Variants in LRBA observed in about 807,000 individuals in gnomAD.
LRBA encodes the protein lipopolysaccharide-responsive and beige-like anchor protein.
LRBA carries 176 observed loss-of-function variants against 330.0 expected under a neutral mutation model. The ratio of observed to expected loss-of-function variants is 0.53; its 90% CI spans 0.47 to 0.60. LRBA has a LOEUF of 0.60. LRBA is among the 20% of genes least tolerant of loss of function. LRBA has a pLI of 0.00. For missense variants in LRBA, 3,259 were observed against 3,444.8 expected, an observed-to-expected ratio of 0.95 and a Z score of 1.35; for synonymous variants, 1,230 against 1,193.0, an observed-to-expected ratio of 1.03 and a Z score of -0.64.
At chr4:150,916,230 T>C (rs1472309324) in intron 7 of LRBA, among the ~76,000 whole-genome samples, 171 bp downstream of exon 7, 1 of 152,200 alleles carries the variant, frequency 6.6e-6, no homozygotes, top group Non-Finnish European at 1.5e-5. Context: ...TGCAATCTTT[T>C]TCATATCCAA....
At chr4:150,926,684 C>T (rs778598907) in intron 4 of LRBA, among the ~76,000 whole-genome samples, 1 of 151,930 alleles carries the variant, frequency 6.6e-6, no homozygotes, top group Non-Finnish European at 1.5e-5. Flanking sequence ...AAACCAAGAG[C>T]ATTAAAGCAA....
intron 22 of LRBA, among the ~76,000 whole-genome samples, chr4:150,866,718 T>C (rs1579041126): frequency 6.6e-6 from 1 of 152,180 alleles, no homozygotes. Flanking sequence ...TGCTAATTAA[T>C]TGGTAAATAA....
At chr4:150,711,060 A>T (rs1342102723) in intron 36 of LRBA, among the ~76,000 whole-genome samples, 1 of 151,972 alleles carries the variant, frequency 6.6e-6, no homozygotes, top group African/African-American at 2.4e-5. Flanking sequence ...ATCAAAAAAA[A>T]TTTGAAAGTT....
intron 44 of LRBA, among the ~76,000 whole-genome samples, chr4:150,441,600 A>G (rs1270880621): frequency 6.6e-6 from 1 of 152,052 alleles, no homozygotes; most frequent in East Asian, 1.9e-4. Flanking sequence ...AATTAAGAAT[A>G]CCACCTCCAG....
intron 40 of LRBA, among the ~76,000 whole-genome samples, chr4:150,531,412 T>G (rs1764042056): frequency 6.6e-6 from 1 of 152,158 alleles, no homozygotes; most frequent in Non-Finnish European, 1.5e-5. Context: ...ACAGTCCTCA[T>G]GGCTTCTTCC....
chr4:150,413,470 A>T (rs887959635), intron 47 of LRBA, among the ~76,000 whole-genome samples: 8 of 152,186 alleles, frequency 5.3e-5, no homozygotes, highest in Non-Finnish European at 1.0e-4. Context: ...TTAACTACTG[A>T]TATATGCACA....
At chr4:150,562,400 C>T (rs1160467934) in intron 40 of LRBA, among the ~76,000 whole-genome samples, 2 of 152,238 alleles carry the variant, frequency 1.3e-5, no homozygotes, top group South Asian at 2.1e-4. Context: ...ATAATGATAG[C>T]GTAGTTACAA....
rs144369093 is a variant in LRBA at position 150,570,055 on chromosome 4, T to C, written c.6330+17993A>G. Among the ~76,000 whole-genome samples the C allele has an allele frequency of 3.9e-4, 59 of 152,218 alleles. 1 individual carries two copies. In the East Asian group the frequency reaches 7.7e-3, roughly 20 times the overall value. ...ATAAGCTACATAAAGAAATTTCCCA[T>C]GAAGCCTGAAGACAAAGTAATGTAA... On this transcript the variant is annotated intron_variant, in intron 40 of 56. Transcript: ENST00000651943.
chr4:150,479,635 C>T (rs1757076106), intron 42 of LRBA, among the ~76,000 whole-genome samples: 3 of 152,268 alleles, frequency 2.0e-5, no homozygotes, highest in South Asian at 4.1e-4. Context: ...ATTCCCCTCC[C>T]CTGGACTTTG....
chr4:150,744,309 G>C (rs888967656), intron 35 of LRBA, among the ~76,000 whole-genome samples: 1 of 152,118 alleles, frequency 6.6e-6, no homozygotes, highest in Non-Finnish European at 1.5e-5. Flanking sequence ...TAATTGAATT[G>C]ATTAGTCAAT....
chr4:150,846,871 T>G (rs1435271065), intron 26 of LRBA, among the ~76,000 whole-genome samples: 1 of 152,204 alleles, frequency 6.6e-6, no homozygotes, highest in Non-Finnish European at 1.5e-5. Context: ...TATCTCTTAA[T>G]TCTTTTCCGT....
Position 150,867,851 on chromosome 4 carries a change from T to G in LRBA, c.2586A>C (p.Gln862His). ...NSRENRRSLL[Q>H]CSVWQEWMLS... ...GCATCCATTCTTGCCACACAGAGCA[T>G]TGTAGCAAGCTCCTGAAAATTATGA... is the stretch of plus-strand genomic sequence containing the variant. Residue 862 changes from glutamine (Q) to histidine (H), a missense_variant, in exon 22 of 57, where the codon CAA becomes CAC. By Grantham distance (24) the Gln-to-His change is conservative. Coordinates refer to ENST00000651943, the MANE Select transcript of LRBA (RefSeq NM_001364905.1). 6.2e-7 allele frequency: 1 copy of G among 1,609,198 alleles called. No individual in the cohort carries two copies. The highest frequency in any genetic ancestry group is 1.7e-5 in the Admixed American group (1 of 59,416).
At chr4:150,438,318 C>CA (rs1751391806) in intron 44 of LRBA, among the ~76,000 whole-genome samples, 1 of 151,982 alleles carries the variant, frequency 6.6e-6, no homozygotes, top group Non-Finnish European at 1.5e-5. Context: ...CCTGTTTCTA[C>CA]AAAAAAATTT....
Position 150,506,165 on chromosome 4 carries a change from T to C in LRBA, c.6331-15130A>G, listed in dbSNP as rs1433667552. ...CCAGAGGTGCAAGGAGGAGCTGGTA[T>C]CATTCCTTCTGAAACTATTCCAATC... is the stretch of plus-strand genomic sequence containing the variant. On this transcript the variant is annotated intron_variant, in intron 40 of 56. Coordinates refer to ENST00000651943, the MANE Select transcript of LRBA (RefSeq NM_001364905.1). Among the ~76,000 whole-genome samples, 14 of 151,180 alleles carry C rather than the reference T, an allele frequency of 9.3e-5. No individual in the cohort carries two copies. In the South Asian group the frequency reaches 2.5e-3, roughly 27 times the overall value.
chr4:150,679,733 C>G (rs1782886377), intron 37 of LRBA: 1 of 152,140 alleles, frequency 6.6e-6, no homozygotes, highest in African/African-American at 2.4e-5. Context: ...GTCTCCTAAA[C>G]TAATCAAAAG....
intron 48 of LRBA, among the ~76,000 whole-genome samples, chr4:150,342,048 C>T (rs1003233536): frequency 2.6e-5 from 4 of 151,770 alleles, no homozygotes; most frequent in Non-Finnish European, 4.4e-5. Context: ...TTGTGGATTT[C>T]GATTTTAAGA....
At chr4:150,758,471 A>G (rs1179059283) in intron 35 of LRBA, among the ~76,000 whole-genome samples, 1 of 151,982 alleles carries the variant, frequency 6.6e-6, no homozygotes, top group Non-Finnish European at 1.5e-5. Flanking sequence ...TAGGTTCATA[A>G]TCCTACCACT....
intron 29 of LRBA, among the ~76,000 whole-genome samples, chr4:150,831,396 C>T (rs1367168439): frequency 6.6e-6 from 1 of 152,018 alleles, no homozygotes; most frequent in Non-Finnish European, 1.5e-5. Context: ...TAATAAATTG[C>T]CTCCTTTGGG....
intron 48 of LRBA, among the ~76,000 whole-genome samples, chr4:150,340,063 T>C (rs1735306364): frequency 6.6e-6 from 1 of 152,118 alleles, no homozygotes; most frequent in Non-Finnish European, 1.5e-5. Context: ...TCAGCTCTCA[T>C]TCTTCTCTCT....
Sources: allele counts gnomAD v4.1 joint callset (sites outside exome capture counted in the v4.1 genomes callset), GRCh38; gene constraint gnomAD v4.1.1; transcripts MANE v1.5; gene names NCBI Gene and HGNC (gene_info 2026-07-23, HGNC 2026-07-21).